The following MYRFL variants were observed in gnomAD, a reference collection of about 807,000 sequenced individuals.
The protein encoded by MYRFL is myelin regulatory factor like, also known as myelin regulatory factor-like protein.
MYRFL carries 88 observed loss-of-function variants against 109.4 expected under a neutral mutation model. The ratio of observed to expected loss-of-function variants is 0.80; its 90% CI spans 0.68 to 0.96. The LOEUF (loss-of-function observed/expected upper bound fraction) is 0.96. MYRFL is among the 40% of genes least tolerant of loss of function. The pLI, the probability that MYRFL is intolerant of heterozygous loss-of-function variation, is 0.00. For missense variants in MYRFL, 957 were observed against 954.9 expected (o/e 1.00, Z -0.03); for synonymous variants, 324 against 320.9 (o/e 1.01, Z -0.10).
chr12:69,943,624 C>T (rs1249438024), intron 19 of MYRFL, among the ~76,000 whole-genome samples: 2 of 151,222 alleles, frequency 1.3e-5, no homozygotes, highest in Non-Finnish European at 3.0e-5. Context: ...TAGGCATGGG[C>T]AAGGACTTCA....
At chr12:69,860,252 C>A (rs186629338) in intron 2 of MYRFL, among the ~76,000 whole-genome samples, 1 of 152,194 alleles carries the variant, frequency 6.6e-6, no homozygotes, top group Non-Finnish European at 1.5e-5. Flanking sequence ...CTTCCAACTC[C>A]ATCCATGTCC....
At chr12:69,913,945 C>T (rs1156468502) in intron 13 of MYRFL, among the ~76,000 whole-genome samples, 3 of 152,090 alleles carry the variant, frequency 2.0e-5, no homozygotes. Flanking sequence ...GGATGTATTT[C>T]TGTTTATTTA....
intron 7 of MYRFL, 80 bp downstream of exon 7, chr12:69,891,246 C>T (rs1454713532): frequency 9.5e-7 from 1 of 1,048,262 alleles, no homozygotes; most frequent in Non-Finnish European, 1.3e-6. Flanking sequence ...GACAAACTAT[C>T]CCAAAATGAC....
chr12:69,844,069 A>G (rs1592690290), intron 1 of MYRFL, among the ~76,000 whole-genome samples: 2 of 152,192 alleles, frequency 1.3e-5, no homozygotes, highest in East Asian at 1.9e-4. Context: ...GCCATTTGAG[A>G]GTTGTTCTCT....
chr12:69,909,719 G>C (rs186954453), intron 11 of MYRFL, among the ~76,000 whole-genome samples: 45 of 152,274 alleles, frequency 3.0e-4, no homozygotes, highest in Non-Finnish European at 4.6e-4. Context: ...AATGATGTGA[G>C]AGCAGTGATT....
At chr12:69,933,166 A>G (rs1955322713) in intron 16 of MYRFL, among the ~76,000 whole-genome samples, 1 of 152,160 alleles carries the variant, frequency 6.6e-6, no homozygotes, top group South Asian at 2.1e-4. Context: ...AGTATTTGCT[A>G]TGCAAATTGG....
chr12:69,941,875 T>C (rs1403174939), intron 19 of MYRFL, among the ~76,000 whole-genome samples: 1 of 149,700 alleles, frequency 6.7e-6, no homozygotes, highest in African/African-American at 2.4e-5. Flanking sequence ...CCCACAGAAA[T>C]ACAAACTACC....
At chr12:69,898,708 G>A (rs11177950) in intron 10 of MYRFL, among the ~76,000 whole-genome samples, 48,219 of 152,062 alleles carry the variant, frequency 0.32, 7,945 homozygotes, top group African/African-American at 0.36. Flanking sequence ...AGTACTCTCC[G>A]GAGCTGTATA....
At chr12:69,908,909 A>C (rs1411794217) in intron 11 of MYRFL, among the ~76,000 whole-genome samples, 2 of 150,440 alleles carry the variant, frequency 1.3e-5, no homozygotes, top group African/African-American at 4.9e-5. Flanking sequence ...CCCTCCTCCC[A>C]CCCTCCACCC....
rs550537880 is a variant in MYRFL, at chr12:69,825,695, T to A, written c.46+132T>A. The A allele has an allele frequency of 1.3e-5, 8 of 618,888 alleles. No individual in the cohort carries two copies. The South Asian group carries it at 1.3e-4, about 10-fold the overall frequency. The allele number at this position is 618,888 out of a possible 1,614,324, so 38.3% of individuals were successfully genotyped here. ...TCATACTTAGGTAACTCTCCTAATA[T>A]CAAAAGTAGGGGTTTATTTGCTACA... On this transcript the variant is annotated intron_variant, in intron 1 of 24. Coordinates refer to ENST00000552032, the MANE Select transcript of MYRFL (RefSeq NM_182530.3).
chr12:69,903,924 C>A, intron 11 of MYRFL, 80 bp downstream of exon 11: 1 of 1,269,436 alleles, frequency 7.9e-7, no homozygotes, highest in Non-Finnish European at 1.1e-6. Context: ...TCTGACACAC[C>A]TTGAACCGCA....
chr12:69,877,128 A>G (rs955386359), intron 2 of MYRFL, among the ~76,000 whole-genome samples: 6 of 149,144 alleles, frequency 4.0e-5, no homozygotes, highest in Non-Finnish European at 8.9e-5. Flanking sequence ...GGTTCACGCC[A>G]TTCTCCTGCC....
rs1183393755 is a variant in MYRFL at position 69,910,898 on chromosome 12, G to C, written c.1570G>C (p.Glu524Gln). 2.6e-6 allele frequency: 4 copies of C among 1,535,118 alleles called. No homozygotes were observed. In the Admixed American group the frequency reaches 5.9e-5, roughly 23 times the overall value. Reference protein sequence around the residue: ...EVGDVTCGNGETLENFLMVDK... With the variant: ...EVGDVTCGNGQTLENFLMVDK... ...TGGTGATGTCACCTGCGGAAACGGA[G>C]AGACCTTGGAGAACTTCCTCATGGT... The change falls in exon 13 of 25, where the codon GAG (glutamate) becomes CAG (glutamine). Residue 524 changes from glutamate to glutamine, a missense_variant. Transcript: ENST00000552032.
In MYRFL at chr12:69,927,331, G is replaced by A. The variant is rs1203942673; in HGVS notation, c.1767-354G>A. Among the ~76,000 whole-genome samples the A allele has an allele frequency of 4.6e-5, 7 of 151,912 alleles. No individual in the cohort carries two copies. The South Asian group carries it at 1.5e-3, about 32-fold the overall frequency. On this transcript the variant is annotated intron_variant, in intron 14 of 24. Coordinates refer to ENST00000552032, the MANE Select transcript of MYRFL (RefSeq NM_182530.3). ...GGAAGTGCTAAATTTTAGCATAAGG[G>A]TGGCTTCTCCTTTAATGAGGAGAAG...
intron 13 of MYRFL, among the ~76,000 whole-genome samples, chr12:69,919,319 C>T (rs941732333): frequency 3.3e-5 from 5 of 152,178 alleles, no homozygotes; most frequent in Non-Finnish European, 5.9e-5. Flanking sequence ...TCAAAAGACT[C>T]AAGCCCTTTC....
At chr12:69,829,876 T>G (rs1882516801) in intron 1 of MYRFL, among the ~76,000 whole-genome samples, 4 of 152,094 alleles carry the variant, frequency 2.6e-5, no homozygotes, top group Non-Finnish European at 5.9e-5. Flanking sequence ...CCGAATGCAG[T>G]GTAGAGAACA....
At chr12:69,956,761 G>A (rs1344903512) in intron 22 of MYRFL, among the ~76,000 whole-genome samples, 1 of 152,006 alleles carries the variant, frequency 6.6e-6, no homozygotes, top group Non-Finnish European at 1.5e-5. Flanking sequence ...TGCTTGCCTT[G>A]GAAAGGTTTC....
chr12:69,899,846 T>A (rs1954124486), intron 10 of MYRFL, among the ~76,000 whole-genome samples: 1 of 152,180 alleles, frequency 6.6e-6, no homozygotes, highest in South Asian at 2.1e-4. Context: ...GTAGTATAAA[T>A]TGACCAATTT....
At chr12:69,868,148 C>T (rs1374487343) in intron 2 of MYRFL, among the ~76,000 whole-genome samples, 1 of 150,898 alleles carries the variant, frequency 6.6e-6, no homozygotes, top group African/African-American at 2.4e-5. Context: ...GCTCTGTTGC[C>T]CAGTCTGGAG....
Sources: gnomAD v4.1 joint callset for allele counts (sites outside exome capture counted in the v4.1 genomes callset) on GRCh38, gnomAD v4.1.1 for gene constraint, MANE v1.5 for transcripts, NCBI Gene and HGNC (gene_info 2026-07-23, HGNC 2026-07-21) for gene names.